SHB: variants seen among roughly 807,000 people sequenced by gnomAD.
SHB encodes SH2 domain-containing adapter protein B.
Under a neutral mutation model 52.3 loss-of-function variants are expected in SHB, and 20 were observed. The ratio of observed to expected loss-of-function variants is 0.38; its 90% CI spans 0.27 to 0.56. The LOEUF is 0.56. Ranked by LOEUF, SHB falls within the 20% of genes least tolerant of loss-of-function variation. The probability of loss-of-function intolerance (pLI) is 0.71; values close to 1 mark genes in which losing one functional copy is unlikely to be tolerated. For synonymous variants in SHB, 397 were observed against 316.5 expected (o/e 1.25, Z -2.70); for missense variants, 825 against 723.3 (o/e 1.14, Z -1.61).
At chr9:37,942,006 T>G (rs1832440013) in intron 5 of SHB, among the ~76,000 whole-genome samples, 1 of 152,202 alleles carries the variant, frequency 6.6e-6, no homozygotes, top group Admixed American at 6.5e-5. Context: ...AAACTAAGAT[T>G]AATCACTTGC....
intron 1 of SHB, among the ~76,000 whole-genome samples, chr9:38,054,608 G>A (rs1821791306): frequency 6.6e-6 from 1 of 152,170 alleles, no homozygotes; most frequent in African/African-American, 2.4e-5. Context: ...GTCCTGGCTG[G>A]GAATCTGGCT....
At chr9:37,968,997 G>A (rs940901333) in intron 3 of SHB, among the ~76,000 whole-genome samples, 5 of 152,170 alleles carry the variant, frequency 3.3e-5, no homozygotes, top group African/African-American at 1.2e-4. Context: ...ATGAAAGCAC[G>A]AACCTCCAGA....
At position 37,948,788 on chromosome 9, in the gene SHB, C is replaced by T. The variant is rs373505794; in HGVS notation, c.1227-34G>A. On this transcript the variant is annotated intron_variant, in intron 4 of 5. Transcript: ENST00000377707. ...AGGGCAGAGAGTGGTCAGAGCCCAG[C>T]GCGATGGGATTCCCATGGCCCTGAC... is the stretch of plus-strand genomic sequence containing the variant. 3.6e-5 allele frequency: 58 copies of T among 1,611,638 alleles called. 1 individual carries two copies. The highest frequency in any genetic ancestry group is 7.7e-5 in the South Asian group (7 of 91,022).
chr9:38,030,248 G>C (rs547391579), intron 1 of SHB, among the ~76,000 whole-genome samples: 28 of 152,322 alleles, frequency 1.8e-4, no homozygotes, highest in Middle Eastern at 6.8e-3. Flanking sequence ...AGATCCATTA[G>C]TCCTGGACCA....
intron 1 of SHB, among the ~76,000 whole-genome samples, chr9:38,067,314 A>G (rs1424196676): frequency 6.6e-6 from 1 of 152,162 alleles, no homozygotes; most frequent in Non-Finnish European, 1.5e-5. Context: ...TCTTGCAGGC[A>G]GCGCATTTCA....
At chr9:38,065,161 G>A (rs1464776131) in intron 1 of SHB, among the ~76,000 whole-genome samples, 1 of 152,152 alleles carries the variant, frequency 6.6e-6, no homozygotes, top group African/African-American at 2.4e-5. Context: ...CCATGAGTGA[G>A]GGGCAGAAGG....
intron 2 of SHB, among the ~76,000 whole-genome samples, chr9:37,981,183 T>C (rs1490931643): frequency 6.6e-6 from 1 of 152,224 alleles, no homozygotes; most frequent in Admixed American, 6.5e-5. Flanking sequence ...TGGCATCTTC[T>C]TCCAATAGAA....
rs1832147519 is a variant in SHB, at chr9:37,919,474, C to CCCGCCCCACCCT, written c.*346_*347insAGGGTGGGGCGG. The CCCGCCCCACCCT allele has an allele frequency of 5.0e-6, 1 of 198,384 alleles. No individual in the cohort carries two copies. The allele number at this position is 198,384 out of a possible 1,614,324, so 12.3% of individuals were successfully genotyped here. ...AGACAGCTGGAGAACAAAGAGATGT[C>CCCGCCCCACCCT]AGCCAGGGAGCTCCCGCCCCACCCT... On this transcript the variant is annotated 3_prime_UTR_variant, in exon 6 of 6. Transcript: ENST00000377707.
At chr9:37,923,397 C>G (rs1423162301) in intron 5 of SHB, among the ~76,000 whole-genome samples, 1 of 152,202 alleles carries the variant, frequency 6.6e-6, no homozygotes. Flanking sequence ...TTGGAAATGG[C>G]ATGTTCTGAT....
intron 5 of SHB, among the ~76,000 whole-genome samples, chr9:37,947,805 G>A (rs1481974422): frequency 6.6e-6 from 1 of 152,246 alleles, no homozygotes; most frequent in Non-Finnish European, 1.5e-5. Context: ...CAGAGAGGAT[G>A]CCAGGCAGAG....
Position 38,049,799 on chromosome 9 carries a change from CT to C in SHB, c.717+18129del, listed in dbSNP as rs901763706. 6.2e-3 allele frequency among the ~76,000 whole-genome samples: 848 copies of C among 137,760 alleles called. 3 individuals carry two copies. Among genetic ancestry groups the C allele is most frequent in the African/African-American group, 0.015 (550 of 37,814 alleles). The allele number at this position is 137,760 out of a possible 152,430, so 90.4% of individuals were successfully genotyped here. On this transcript the variant is annotated intron_variant, in intron 1 of 5. Transcript: ENST00000377707. ...AGTATTTCAGCAGGTACCATGGGTACTTTTTTTTTTTTTTTTGGAGACAGAG... is the reference window on the plus strand; with the variant it reads ...AGTATTTCAGCAGGTACCATGGGTACTTTTTTTTTTTTTTTGGAGACAGAG...
chr9:37,955,897 G>A lies in SHB; in HGVS notation c.1212C>T (p.Pro404=). Reference sequence around the variant, plus strand: ...CAAGAACTTACATTTGCTTCTCCAGGGGGACGGCAGGATCCACCCTTTCTC... The same window carrying A: ...CAAGAACTTACATTTGCTTCTCCAGAGGGACGGCAGGATCCACCCTTTCTC... ...ILGERVDPAV[P]LEKQIWYHGA... is the part of the protein sequence containing the mutation. Residue 404 remains proline (P), a synonymous_variant, in exon 4 of 6, where the codon CCC becomes CCT. Transcript: ENST00000377707. 8.7e-6 allele frequency: 14 copies of A among 1,613,718 alleles called. No individual in the cohort carries two copies. Among genetic ancestry groups the A allele is most frequent in the Non-Finnish European group, 1.2e-5 (14 of 1,179,814 alleles).
At chr9:38,012,181 A>G (rs1394835381) in intron 2 of SHB, among the ~76,000 whole-genome samples, 1 of 152,186 alleles carries the variant, frequency 6.6e-6, no homozygotes, top group East Asian at 1.9e-4. Context: ...GACACAGAGG[A>G]CAAAGCCTCG....
chr9:38,068,258 C>A lies in SHB; in HGVS notation c.388G>T (p.Ala130Ser). ...EPGGVQRAFS[A>S]SSASGAAGCC... ...CCCGCGGCGCCCGACGCGGACGAGG[C>A]CGAGAAGGCGCGCTGGACCCCGCCT... Residue 130 changes from alanine (A) to serine (S), a missense_variant, in exon 1 of 6, where the codon GCC becomes TCC. Physicochemically the swap from Ala to Ser is moderately conservative, Grantham distance 99. Coordinates refer to ENST00000377707, the MANE Select transcript of SHB (RefSeq NM_003028.3). 6.9e-7 allele frequency: 1 copy of A among 1,445,890 alleles called. No homozygotes were observed. Among genetic ancestry groups the A allele is most frequent in the Non-Finnish European group, 9.0e-7 (1 of 1,108,200 alleles). 89.6% of individuals were successfully genotyped at this position (1,445,890 alleles called of 1,614,324 possible).
intron 1 of SHB, among the ~76,000 whole-genome samples, chr9:38,035,922 G>A (rs112182963): frequency 1.1e-4 from 16 of 152,236 alleles, no homozygotes; most frequent in African/African-American, 3.9e-4. Context: ...TAGGAGCTTG[G>A]ATACAATCCA....
chr9:37,973,340 CG>C (rs1184378998), intron 3 of SHB, among the ~76,000 whole-genome samples: 1 of 152,222 alleles, frequency 6.6e-6, no homozygotes, highest in African/African-American at 2.4e-5. Context: ...TCTCCTGCCT[CG>C]GCCTCCTGAG....
intron 5 of SHB, among the ~76,000 whole-genome samples, chr9:37,939,644 A>G (rs1386567319): frequency 6.6e-6 from 1 of 152,202 alleles, no homozygotes; most frequent in Non-Finnish European, 1.5e-5. Flanking sequence ...TTTGGTCCAG[A>G]GAACTAGTTG....
intron 1 of SHB, among the ~76,000 whole-genome samples, chr9:38,044,692 G>A (rs1287906492): frequency 6.6e-6 from 1 of 152,230 alleles, no homozygotes; most frequent in African/African-American, 2.4e-5. Context: ...GGAGGGCACT[G>A]GAGTTTGGAG....
intron 3 of SHB, among the ~76,000 whole-genome samples, chr9:37,971,969 C>T (rs1408705457): frequency 6.6e-6 from 1 of 152,190 alleles, no homozygotes; most frequent in Non-Finnish European, 1.5e-5. Context: ...GATTCTGACT[C>T]ATAGGCCTGG....
Sources: gnomAD v4.1 joint callset for allele counts (sites outside exome capture counted in the v4.1 genomes callset) on GRCh38, gnomAD v4.1.1 for gene constraint, MANE v1.5 for transcripts, NCBI Gene and HGNC (gene_info 2026-07-23, HGNC 2026-07-21) for gene names.